Variants in UBE2E2 observed in about 807,000 individuals in gnomAD.
The protein encoded by UBE2E2 is ubiquitin conjugating enzyme E2 E2.
A neutral mutation model predicts 24.7 loss-of-function variants in UBE2E2; 6 were observed. The ratio of observed to expected loss-of-function variants is 0.24; its 90% confidence interval spans 0.13 to 0.48. The LOEUF (loss-of-function observed/expected upper bound fraction) is 0.48. Among genes scored for constraint, UBE2E2 ranks in the 20% least tolerant of loss-of-function variants. The probability of loss-of-function intolerance (pLI) is 0.99; values close to 1 mark genes in which losing one functional copy is unlikely to be tolerated. For missense variants in UBE2E2, 169 were observed against 245.0 expected, an observed-to-expected ratio of 0.69 and a Z score of 2.07; for synonymous variants, 104 against 83.6, an observed-to-expected ratio of 1.24 and a Z score of -1.33.
chr3:23,534,079 C>A, intron 5 of UBE2E2: 1 of 515,366 alleles, frequency 1.9e-6, no homozygotes, highest in Non-Finnish European at 2.5e-6. Flanking sequence ...TTGTCTGTGA[C>A]TGTGTATAAC....
In UBE2E2 at chr3:23,583,894, G is replaced by A. The variant is rs911294323; in HGVS notation, c.509-5840G>A. 8.5e-5 allele frequency among the ~76,000 whole-genome samples: 13 copies of A among 152,062 alleles called. No individual in the cohort carries two copies. The highest frequency in any genetic ancestry group is 2.4e-4 in the African/African-American group (10 of 41,398). ...AGTTTGACTTCCTCCCTTCCTATTC[G>A]AATGCATTTTATTTCTTTCTCTTGC... On this transcript the variant is annotated intron_variant, in intron 5 of 5. Transcript: ENST00000396703. This position sits in a 1 kb window ranked among gnomAD's most constrained non-coding sequence, Gnocchi z 4.1.
intron 3 of UBE2E2, among the ~76,000 whole-genome samples, chr3:23,279,642 AT>A (rs1698444517): frequency 6.6e-6 from 1 of 152,206 alleles, no homozygotes; most frequent in East Asian, 1.9e-4. Flanking sequence ...CTTAGGGTCT[AT>A]AGCTGCTTAT....
intron 3 of UBE2E2, among the ~76,000 whole-genome samples, chr3:23,303,761 G>A (rs1453320280): frequency 3.3e-5 from 5 of 152,162 alleles, no homozygotes; most frequent in African/African-American, 7.2e-5. Context: ...ACTACAAGAG[G>A]TAGAAATAGA....
chr3:23,231,957 AC>A (rs1696985932), intron 3 of UBE2E2, among the ~76,000 whole-genome samples: 1 of 152,130 alleles, frequency 6.6e-6, no homozygotes, highest in Non-Finnish European at 1.5e-5. Flanking sequence ...GTTCTTGTTC[AC>A]CTTTACGTCA....
chr3:23,335,939 A>G (rs959071057), intron 3 of UBE2E2, among the ~76,000 whole-genome samples: 1 of 152,186 alleles, frequency 6.6e-6, no homozygotes, highest in Non-Finnish European at 1.5e-5. Flanking sequence ...TGATAACATA[A>G]TAAGTAGGGT....
intron 3 of UBE2E2, among the ~76,000 whole-genome samples, chr3:23,471,793 A>G (rs960410384): frequency 6.6e-6 from 1 of 152,234 alleles, no homozygotes; most frequent in Non-Finnish European, 1.5e-5. Context: ...AAAAGTGGGC[A>G]AGGACAACAG....
At chr3:23,301,908 C>G (rs1699107169) in intron 3 of UBE2E2, among the ~76,000 whole-genome samples, 1 of 152,226 alleles carries the variant, frequency 6.6e-6, no homozygotes, top group Admixed American at 6.5e-5. Flanking sequence ...TCCTCCCCTT[C>G]CTTAATGTTT....
At chr3:23,424,533 G>A (rs1697880192) in intron 3 of UBE2E2, among the ~76,000 whole-genome samples, 1 of 150,638 alleles carries the variant, frequency 6.6e-6, no homozygotes, top group African/African-American at 2.4e-5. Context: ...ATTTAATTCT[G>A]CTTGGATTAA....
At chr3:23,502,107 C>G (rs1244873567) in intron 4 of UBE2E2, among the ~76,000 whole-genome samples, 1 of 152,036 alleles carries the variant, frequency 6.6e-6, no homozygotes, top group Non-Finnish European at 1.5e-5. Context: ...AACAAATACT[C>G]TTATTATTAA....
At chr3:23,483,487 G>T (rs1699298379) in intron 3 of UBE2E2, among the ~76,000 whole-genome samples, 1 of 152,196 alleles carries the variant, frequency 6.6e-6, no homozygotes, top group South Asian at 2.1e-4. Context: ...AGGCTCAGTG[G>T]TATGAAAGGT....
chr3:23,380,622 T>G (rs977900615), intron 3 of UBE2E2, among the ~76,000 whole-genome samples: 1 of 152,198 alleles, frequency 6.6e-6, no homozygotes, highest in Non-Finnish European at 1.5e-5. Flanking sequence ...GGAATTGATT[T>G]CCCTGACCTT....
intron 3 of UBE2E2, among the ~76,000 whole-genome samples, chr3:23,268,617 G>T (rs1261396452): frequency 4.1e-5 from 6 of 147,294 alleles, no homozygotes; most frequent in African/African-American, 1.5e-4. Flanking sequence ...CGTGAAAATG[G>T]CCATACTGCC....
At chr3:23,203,879 C>T (rs1696047699) in intron 1 of UBE2E2, among the ~76,000 whole-genome samples, 1 of 152,048 alleles carries the variant, frequency 6.6e-6, no homozygotes, top group South Asian at 2.1e-4. Context: ...TCCCTAATTG[C>T]ATAATTGCTG....
At chr3:23,301,188 AT>A (rs933452816) in intron 3 of UBE2E2, among the ~76,000 whole-genome samples, 114 of 151,512 alleles carry the variant, frequency 7.5e-4, no homozygotes, top group South Asian at 2.7e-3. Flanking sequence ...CATTCGTCTA[AT>A]TTTTTTTCAA....
chr3:23,424,954 C>T (rs1282802162), intron 3 of UBE2E2, among the ~76,000 whole-genome samples: 2 of 152,070 alleles, frequency 1.3e-5, no homozygotes, highest in African/African-American at 4.8e-5. Context: ...TCATCCTTTT[C>T]TACTTTACCA....
At chr3:23,387,800 TTGTCTC>T (rs1202948595) in intron 3 of UBE2E2, among the ~76,000 whole-genome samples, 8 of 152,316 alleles carry the variant, frequency 5.3e-5, no homozygotes, top group Admixed American at 1.3e-4. Context: ...GATACCCTCA[TTGTCTC>T]TGGCGAATTC....
rs543558206 is a variant in UBE2E2 at position 23,382,003 on chromosome 3, T to C, written c.228-117605T>C. Among the ~76,000 whole-genome samples the C allele has an allele frequency of 2.0e-3, 311 of 152,284 alleles. 1 individual carries two copies. The highest frequency in any genetic ancestry group is 2.3e-3 in the Non-Finnish European group (157 of 68,020). The stretch of plus-strand genomic sequence containing the variant: ...AGATTCTTCTCCATTCCCCCGCTAC[T>C]TTCCCATCCAGGGGATTATTCTCGC... On this transcript the variant is annotated intron_variant, in intron 3 of 5. Transcript: ENST00000396703.
At chr3:23,421,363 A>G (rs531919625) in intron 3 of UBE2E2, among the ~76,000 whole-genome samples, 8 of 152,288 alleles carry the variant, frequency 5.3e-5, no homozygotes, top group South Asian at 2.1e-4. Context: ...GTTTCCATCA[A>G]TGGATGATTG....
intron 3 of UBE2E2, among the ~76,000 whole-genome samples, chr3:23,292,822 C>T (rs1170194120): frequency 6.6e-6 from 1 of 152,086 alleles, no homozygotes; most frequent in Non-Finnish European, 1.5e-5. Context: ...TCCTGTAATC[C>T]CAGCACTTTG....
Sources: allele counts gnomAD v4.1 joint callset (sites outside exome capture counted in the v4.1 genomes callset), GRCh38; gene constraint gnomAD v4.1.1; non-coding constraint Gnocchi (gnomAD v3.1); transcripts MANE v1.5; gene names NCBI Gene and HGNC (gene_info 2026-07-23, HGNC 2026-07-21).